The following ABCC3 variants were observed in gnomAD, a reference collection of about 807,000 sequenced individuals.
The protein encoded by ABCC3 is ATP-binding cassette sub-family C member 3.
ABCC3 carries 121 observed loss-of-function variants against 165.3 expected under a neutral mutation model. The observed-to-expected ratio is 0.73, with a 90% confidence interval of 0.63 to 0.85. ABCC3 has a LOEUF of 0.85. ABCC3 is among the 40% of genes least tolerant of loss of function. The pLI, the probability that ABCC3 is intolerant of heterozygous loss-of-function variation, is 0.00. For missense variants in ABCC3, 1,869 were observed against 1,964.1 expected, an observed-to-expected ratio of 0.95 and a Z score of 0.92; for synonymous variants, 733 against 810.1, an observed-to-expected ratio of 0.90 and a Z score of 1.62.
Position 50,659,221 on chromosome 17 carries a change from C to T in ABCC3, c.675-16C>T. 1.2e-6 allele frequency: 2 copies of T among 1,612,860 alleles called. No individual in the cohort carries two copies. Among genetic ancestry groups the T allele is most frequent in the Non-Finnish European group, 8.5e-7 (1 of 1,179,242 alleles). The stretch of plus-strand genomic sequence containing the variant: ...ACCCTCTGCGGGGCTGCCTGCCGGG[C>T]TTCACCTCCCCCCAGGATGGCCATC... On this transcript the variant is annotated splice_polypyrimidine_tract_variant and intron_variant, in intron 6 of 30. Coordinates refer to ENST00000285238, the MANE Select transcript of ABCC3 (RefSeq NM_003786.4).
chr17:50,663,354 CCAG>C, intron 8 of ABCC3: 9 of 341,444 alleles, frequency 2.6e-5, no homozygotes, highest in South Asian at 1.2e-4. Flanking sequence ...GCAGGGAAGT[CCAG>C]TCAATGGAAA....
intron 1 of ABCC3, chr17:50,643,413 C>T (rs1324485532): frequency 7.6e-6 from 3 of 397,242 alleles, no homozygotes; most frequent in South Asian, 3.6e-5. Flanking sequence ...ATACTGAATA[C>T]TGAATAGGAC....
intron 19 of ABCC3, among the ~76,000 whole-genome samples, chr17:50,673,983 TC>T (rs1567835569): frequency 0.097 from 479 of 4,930 alleles, 105 homozygotes; most frequent in Non-Finnish European, 0.11. Context: ...TTTCTTTCTC[TC>T]TCTCTCTCTC....
At chr17:50,673,981 T>TTTCCTTCCTTCCTTCCTTCCTTC (rs1567835559) in intron 19 of ABCC3, among the ~76,000 whole-genome samples, 1 of 3,316 alleles carries the variant, frequency 3.0e-4, no homozygotes, top group Admixed American at 3.3e-3. Flanking sequence ...TCTTTCTTTC[T>TTTCCTTCCTTCCTTCCTTCCTTC]CTCTCTCTCT....
intron 17 of ABCC3, among the ~76,000 whole-genome samples, chr17:50,672,266 A>G (rs1244788492): frequency 2.0e-5 from 3 of 152,246 alleles, no homozygotes; most frequent in East Asian, 3.8e-4. Context: ...GGAATCATCC[A>G]GCATTTGTCT....
intron 1 of ABCC3, chr17:50,635,583 G>C (rs748116639): frequency 1.3e-5 from 9 of 702,496 alleles, no homozygotes. Context: ...GGGAGAAGCA[G>C]ACCCCAGTCT....
chr17:50,675,623 C>G lies in ABCC3; in HGVS notation c.2715-8C>G, dbSNP rs747873628. ...CCCCTCCCTGGGCCTGACCAGCTGC[C>G]TCCACAGACAGCTGAGTGCCCTGTC... On this transcript the variant is annotated splice_polypyrimidine_tract_variant and splice_region_variant and intron_variant, in intron 20 of 30. Coordinates refer to ENST00000285238, the MANE Select transcript of ABCC3 (RefSeq NM_003786.4). 1 of 1,564,086 alleles carries G rather than the reference C, an allele frequency of 6.4e-7. No homozygotes were observed. Among genetic ancestry groups the G allele is most frequent in the Non-Finnish European group, 8.7e-7 (1 of 1,154,220 alleles).
chr17:50,688,572 A>ATGATGCTTC (rs1433098046), intron 30 of ABCC3: 1 of 152,218 alleles, frequency 6.6e-6, no homozygotes, highest in Non-Finnish European at 1.5e-5. Context: ...TCAAATGAAA[A>ATGATGCTTC]TGATGCTTCG....
In ABCC3 at chr17:50,684,836, G is replaced by A; in HGVS notation, c.4241G>A (p.Gly1414Asp). 2 of 1,614,174 alleles carry A rather than the reference G, an allele frequency of 1.2e-6. No homozygotes were observed. Among genetic ancestry groups the A allele is most frequent in the Non-Finnish European group, 1.7e-6 (2 of 1,180,030 alleles). The change falls in exon 29 of 31, where the codon GGC becomes GAC. Residue 1414 changes from glycine to aspartate, a missense_variant. By Grantham distance (94) the Gly-to-Asp change is moderately conservative. Coordinates refer to ENST00000285238, the MANE Select transcript of ABCC3 (RefSeq NM_003786.4). ...ACGTTTGTGAGCTCCCAGCCGGCAG[G>A]CCTGGACTTCCAGTGCTCAGAGGGC... Reference protein sequence around the residue: ...LHTFVSSQPAGLDFQCSEGGE... With the variant: ...LHTFVSSQPADLDFQCSEGGE...
Position 50,664,356 on chromosome 17 carries a change from A to G in ABCC3, c.1338+245A>G, listed in dbSNP as rs1967473039. ...ACCTTGTCTCTAAAAAGAAACAAAGAAAACAGAAAAAAAGAAGGAGGGTTA... is the reference window on the plus strand; with the variant it reads ...ACCTTGTCTCTAAAAAGAAACAAAGGAAACAGAAAAAAAGAAGGAGGGTTA... On this transcript the variant is annotated intron_variant, in intron 10 of 30. Transcript: ENST00000285238. The G allele has an allele frequency of 7.4e-6, 4 of 540,014 alleles. No homozygotes were observed. In the South Asian group the frequency reaches 9.1e-5, roughly 12 times the overall value. 33.5% of individuals were successfully genotyped at this position (540,014 alleles called of 1,614,324 possible).
chr17:50,640,974 C>A (rs2146587146), intron 1 of ABCC3, among the ~76,000 whole-genome samples: 1 of 152,284 alleles, frequency 6.6e-6, no homozygotes, highest in East Asian at 1.9e-4. Flanking sequence ...GTGGTGGCTT[C>A]CTTCTCCAGT....
In ABCC3 at chr17:50,691,260, C is replaced by T. The variant is rs936017773; in HGVS notation, c.*60C>T. The T allele has an allele frequency of 4.5e-6, 6 of 1,320,576 alleles. No homozygotes were observed. The highest frequency in any genetic ancestry group is 1.8e-5 in the Admixed American group (1 of 56,992). The allele number at this position is 1,320,576 out of a possible 1,614,324, so 81.8% of individuals were successfully genotyped here. ...GGTTTTCATCAGGAAGGAAATGACA[C>T]CAAATATGTCCGCAGAATGGACTTG... On this transcript the variant is annotated 3_prime_UTR_variant, in exon 31 of 31. Coordinates refer to ENST00000285238, the MANE Select transcript of ABCC3 (RefSeq NM_003786.4).
intron 26 of ABCC3, among the ~76,000 whole-genome samples, chr17:50,682,909 A>G (rs890787532): frequency 1.3e-5 from 2 of 152,166 alleles, no homozygotes; most frequent in African/African-American, 4.8e-5. Context: ...GGGCACTTCA[A>G]GGAATATAAG....
At position 50,674,036 on chromosome 17, in the gene ABCC3, CTTTCTTTCTTTCTTTCTTTCTTTCTT is replaced by C. The variant is rs375255583; in HGVS notation, c.2599+380_2599+405del. On this transcript the variant is annotated intron_variant, in intron 19 of 30. Transcript: ENST00000285238. Reference sequence around the variant, plus strand: ...TCTCTCTCTCTCTCTCTCTCTCTCTCTTTCTTTCTTTCTTTCTTTCTTTCTTTCTTTCTTTCTTTTTTTTCTTTTGA... The same window carrying C: ...TCTCTCTCTCTCTCTCTCTCTCTCTCTCTTTCTTTCTTTTTTTTCTTTTGA... 9.0e-4 allele frequency among the ~76,000 whole-genome samples: 21 copies of C among 23,216 alleles called. 1 individual carries two copies. The highest frequency in any genetic ancestry group is 1.2e-3 in the South Asian group (1 of 812). The allele number at this position is 23,216 out of a possible 152,430, so 15.2% of individuals were successfully genotyped here.
chr17:50,652,496 T>C (rs1033890623), intron 1 of ABCC3, among the ~76,000 whole-genome samples: 3 of 152,244 alleles, frequency 2.0e-5, no homozygotes, highest in Admixed American at 2.0e-4. Flanking sequence ...AATTAAAGAA[T>C]GCATCCCATT....
In ABCC3 at chr17:50,664,311, A is replaced by G. The variant is rs1967471844; in HGVS notation, c.1338+200A>G. On this transcript the variant is annotated intron_variant, in intron 10 of 30. Transcript: ENST00000285238. ...TGCCTGCGAATAGCCACCACACTCCAGCCTGGGCAACATAGCAAGACCTTG... is the reference window on the plus strand; with the variant it reads ...TGCCTGCGAATAGCCACCACACTCCGGCCTGGGCAACATAGCAAGACCTTG... 1.4e-5 allele frequency: 9 copies of G among 637,034 alleles called. No homozygotes were observed. In the South Asian group the frequency reaches 1.8e-4, roughly 13 times the overall value. 39.5% of individuals were successfully genotyped at this position (637,034 alleles called of 1,614,324 possible). A position where few individuals can be genotyped will look rare whatever the true frequency, so the allele number is the denominator to read the frequency against.
At chr17:50,673,900 TTTTCTTTCTTTCTTTCTTTC>T (rs1396264236) in intron 19 of ABCC3, among the ~76,000 whole-genome samples, 3 of 131,624 alleles carry the variant, frequency 2.3e-5, no homozygotes, top group African/African-American at 5.6e-5. Flanking sequence ...TCAGAGCCTG[TTTTCTTTCTTTCTTTCTTTC>T]TTTCTTTCTT....
rs751130466 is a variant in ABCC3, at chr17:50,665,244, A to C, written c.1430A>C (p.Gln477Pro). The C allele has an allele frequency of 1.2e-6, 2 of 1,611,950 alleles. No homozygotes were observed. Among genetic ancestry groups the C allele is most frequent in the Non-Finnish European group, 1.7e-6 (2 of 1,178,834 alleles). ...GAVAVKMRAF[Q>P]VKQMKLKDSR... ...GTGGCCGTGAAGATGCGCGCCTTCC[A>C]GGTAGGTGCTGTCAGAGGTGCATCC... The change falls in exon 11 of 31, where the codon CAG becomes CCG. Residue 477 changes from glutamine (Q) to proline (P), a missense_variant and splice_region_variant. Gln to Pro is a moderately conservative substitution (Grantham distance 76). Coordinates refer to ENST00000285238, the MANE Select transcript of ABCC3 (RefSeq NM_003786.4).
intron 21 of ABCC3, 46 bp from the exon 22 acceptor site, chr17:50,675,837 G>A: frequency 1.2e-6 from 2 of 1,608,134 alleles, no homozygotes; most frequent in South Asian, 1.1e-5. Context: ...CAGCCCCAGG[G>A]TTTATGGAGT....
Sources: allele counts gnomAD v4.1 joint callset (sites outside exome capture counted in the v4.1 genomes callset), GRCh38; gene constraint gnomAD v4.1.1; transcripts MANE v1.5; gene names NCBI Gene and HGNC (gene_info 2026-07-23, HGNC 2026-07-21).